Variants in ZMYND8 observed in about 807,000 individuals in gnomAD.
ZMYND8 encodes the protein MYND-type zinc finger-containing chromatin reader ZMYND8.
In ZMYND8, 37 loss-of-function variants were observed where a neutral mutation model predicts 140.8. The observed-to-expected ratio is 0.26, with a 90% CI of 0.20 to 0.35. The LOEUF (loss-of-function observed/expected upper bound fraction) is 0.35. Ranked by LOEUF, ZMYND8 falls within the 10% of genes least tolerant of loss-of-function variation. The pLI is 1.00. For synonymous variants in ZMYND8, 592 were observed against 597.1 expected (o/e 0.99, Z 0.12); for missense variants, 1,068 against 1,570.0 (o/e 0.68, Z 5.40).
intron 10 of ZMYND8, among the ~76,000 whole-genome samples, chr20:47,280,467 G>A (rs2076537623): frequency 6.6e-6 from 1 of 152,140 alleles, no homozygotes; most frequent in African/African-American, 2.4e-5. Flanking sequence ...CAACTCACAC[G>A]CCGTCCTTCA....
Position 47,262,525 on chromosome 20 carries a change from G to A in ZMYND8, c.1481-97C>T, listed in dbSNP as rs968800372. 6 of 1,514,084 alleles carry A rather than the reference G, an allele frequency of 4.0e-6. No individual in the cohort carries two copies. In the African/African-American group the frequency reaches 4.2e-5, roughly 10 times the overall value. 93.8% of individuals were successfully genotyped at this position (1,514,084 alleles called of 1,614,324 possible). ...GAGAGAATGGAGAGATTATGAAATT[G>A]TGTTTGATTTCAGCAAGGCCGCTAC... On this transcript the variant is annotated intron_variant, in intron 11 of 22. Transcript: ENST00000471951.
chr20:47,353,502 G>A (rs2082967408), intron 1 of ZMYND8: 1 of 152,100 alleles, frequency 6.6e-6, no homozygotes, highest in Non-Finnish European at 1.5e-5. Context: ...TTAATTCCTA[G>A]TTACAGACTG....
At chr20:47,295,244 C>T (rs2077565618) in intron 4 of ZMYND8, among the ~76,000 whole-genome samples, 1 of 152,024 alleles carries the variant, frequency 6.6e-6, no homozygotes, top group Non-Finnish European at 1.5e-5. Context: ...AATACAAAAA[C>T]TAGCCAGGCA....
chr20:47,242,399 A>T (rs2040079474), intron 14 of ZMYND8, among the ~76,000 whole-genome samples: 1 of 152,096 alleles, frequency 6.6e-6, no homozygotes, highest in South Asian at 2.1e-4. Context: ...TTCCAGGGCC[A>T]CCTGCCAGAT....
chr20:47,243,514 A>G (rs1370213857), intron 14 of ZMYND8, among the ~76,000 whole-genome samples: 1 of 152,088 alleles, frequency 6.6e-6, no homozygotes, highest in African/African-American at 2.4e-5. Context: ...GTTTTTTTGG[A>G]AAGTATGAGA....
chr20:47,314,488 G>A (rs940567747), intron 2 of ZMYND8, among the ~76,000 whole-genome samples: 1 of 152,192 alleles, frequency 6.6e-6, no homozygotes, highest in African/African-American at 2.4e-5. Context: ...GAAAGAGAGA[G>A]ACTCCATCTT....
intron 3 of ZMYND8, among the ~76,000 whole-genome samples, chr20:47,302,168 A>G (rs1008233095): frequency 4.0e-5 from 6 of 150,522 alleles, no homozygotes; most frequent in African/African-American, 1.2e-4. Flanking sequence ...TACAGTATGT[A>G]TGAAACATAA....
chr20:47,308,526 T>C (rs1401599742), intron 3 of ZMYND8, among the ~76,000 whole-genome samples: 2 of 152,160 alleles, frequency 1.3e-5, no homozygotes, highest in East Asian at 3.9e-4. Context: ...TGGCCAGACA[T>C]GAGCATTTTT....
Position 47,210,742 on chromosome 20 carries a change from T to C in ZMYND8, c.*19A>G, listed in dbSNP as rs2035120274. 1.2e-6 allele frequency: 2 copies of C among 1,614,026 alleles called. No homozygotes were observed. Among genetic ancestry groups the C allele is most frequent in the East Asian group, 4.5e-5 (2 of 44,858 alleles). ...GTTTTTCTCCCAATGGGGTGGGTGGTTTGTGTCCCGATTCACTGCTAGTCC... is the reference window on the plus strand; with the variant it reads ...GTTTTTCTCCCAATGGGGTGGGTGGCTTGTGTCCCGATTCACTGCTAGTCC... On this transcript the variant is annotated 3_prime_UTR_variant, in exon 23 of 23. Coordinates refer to ENST00000471951, the MANE Select transcript of ZMYND8 (RefSeq NM_001281775.3).
rs113456250 is a variant in ZMYND8 at position 47,221,186 on chromosome 20, A to T, written c.3417+128T>A. 4.1e-5 allele frequency: 53 copies of T among 1,307,542 alleles called. 1 individual carries two copies. Among genetic ancestry groups the T allele is most frequent in the African/African-American group, 4.0e-4 (27 of 67,790 alleles). 81.0% of individuals were successfully genotyped at this position (1,307,542 alleles called of 1,614,324 possible). A position where few individuals can be genotyped will look rare whatever the true frequency, so the allele number is the denominator to read the frequency against. ...CTCCATGTTCCCACACATCCACTGG[A>T]AATGCCGGCACACTGTTAGGACAAG... On this transcript the variant is annotated intron_variant, in intron 20 of 22. Transcript: ENST00000471951.
chr20:47,328,111 C>T (rs530469311), intron 2 of ZMYND8, among the ~76,000 whole-genome samples: 57 of 152,244 alleles, frequency 3.7e-4, no homozygotes, highest in African/African-American at 1.3e-3. Flanking sequence ...CATGACTACC[C>T]TAGATCATTA....
At chr20:47,350,116 C>G in intron 1 of ZMYND8, 1 of 1,187,300 alleles carries the variant, frequency 8.4e-7, no homozygotes, top group Non-Finnish European at 1.1e-6. Flanking sequence ...CCAAGTATTA[C>G]AAGTGGGCAC....
At chr20:47,220,393 A>G in intron 20 of ZMYND8, 69 bp from the exon 21 acceptor site, 1 of 1,301,380 alleles carries the variant, frequency 7.7e-7, no homozygotes, top group South Asian at 1.3e-5. Context: ...AGGGAAATCC[A>G]GGGAGTCATG....
chr20:47,285,552 T>G (rs910073441), intron 8 of ZMYND8: 4 of 447,088 alleles, frequency 8.9e-6, no homozygotes, highest in Non-Finnish European at 1.2e-5. Flanking sequence ...TATTTACATA[T>G]AGTTTTGTAA....
intron 12 of ZMYND8, among the ~76,000 whole-genome samples, chr20:47,259,224 G>T (rs1345066056): frequency 6.6e-6 from 1 of 152,196 alleles, no homozygotes; most frequent in East Asian, 1.9e-4. Context: ...GGTGGAAGGA[G>T]GGTGTGAGAA....
intron 2 of ZMYND8, among the ~76,000 whole-genome samples, chr20:47,330,831 T>G (rs1320802016): frequency 2.6e-5 from 4 of 152,206 alleles, no homozygotes; most frequent in Admixed American, 1.3e-4. Flanking sequence ...GCTAAATCAT[T>G]TGTTCATTCA....
chr20:47,237,054 AG>A, intron 15 of ZMYND8, among the ~76,000 whole-genome samples: 1 of 152,160 alleles, frequency 6.6e-6, no homozygotes, highest in East Asian at 1.9e-4. Context: ...CTATTACAGT[AG>A]CATATTACCA....
rs146354263 is a variant in ZMYND8 at position 47,299,063 on chromosome 20, T to C, written c.235-116A>G. 3.1e-4 allele frequency: 293 copies of C among 947,662 alleles called. No individual in the cohort carries two copies. In the African/African-American group the frequency reaches 4.5e-3, roughly 15 times the overall value. 58.7% of individuals were successfully genotyped at this position (947,662 alleles called of 1,614,324 possible). ...AAAATAACAGCATTTCACAAATTCATTAAAAAGCCAAACTATCTTAGGTTA... is the reference window on the plus strand; with the variant it reads ...AAAATAACAGCATTTCACAAATTCACTAAAAAGCCAAACTATCTTAGGTTA... On this transcript the variant is annotated intron_variant, in intron 3 of 22. Transcript: ENST00000471951.
At position 47,246,229 on chromosome 20, in the gene ZMYND8, C is replaced by A; in HGVS notation, c.2063G>T (p.Ser688Ile). The A allele has an allele frequency of 6.2e-7, 1 of 1,614,150 alleles. No individual in the cohort carries two copies. Among genetic ancestry groups the A allele is most frequent in the East Asian group, 2.2e-5 (1 of 44,882 alleles). ...GGAAAAGTCCTTCTCAGGCTCAGGGCTGGCCTTGTCCTTGACTGCTCCAGG... is the reference window on the plus strand; with the variant it reads ...GGAAAAGTCCTTCTCAGGCTCAGGGATGGCCTTGTCCTTGACTGCTCCAGG... Reference protein sequence around the residue: ...ADPGAVKDKASPEPEKDFSEK... With the variant: ...ADPGAVKDKAIPEPEKDFSEK... Residue 688 changes from serine to isoleucine, a missense_variant, in exon 14 of 23, where the codon AGC becomes ATC. By Grantham distance (142) the Ser-to-Ile change is moderately radical. This residue lies in a region of ZMYND8 where 383 missense variants were observed against 431.2 expected (regional missense o/e 0.89). Transcript: ENST00000471951.
Sources: gnomAD v4.1 joint callset for allele counts (sites outside exome capture counted in the v4.1 genomes callset) on GRCh38, gnomAD v4.1.1 for gene constraint, gnomAD v4.1.1 regional missense constraint, MANE v1.5 for transcripts, NCBI Gene and HGNC (gene_info 2026-07-23, HGNC 2026-07-21) for gene names.